The following APC variants were observed in gnomAD, a reference collection of about 807,000 sequenced individuals.
The protein encoded by APC is APC regulator of Wnt signaling pathway.
A neutral mutation model predicts 247.0 loss-of-function variants in APC; 72 were observed. The ratio of observed to expected loss-of-function variants is 0.29; its 90% CI spans 0.24 to 0.35. The LOEUF (loss-of-function observed/expected upper bound fraction) is 0.35. Among genes scored for constraint, APC ranks in the 10% least tolerant of loss-of-function variants. The pLI is 1.00. For synonymous variants in APC, 1,254 were observed against 1,162.5 expected (o/e 1.08, Z -1.60); for missense variants, 3,400 against 3,360.7 (o/e 1.01, Z -0.29).
At chr5:112,834,238 C>CTT (rs963878310) in intron 14 of APC, among the ~76,000 whole-genome samples, 6 of 126,568 alleles carry the variant, frequency 4.7e-5, no homozygotes, top group African/African-American at 1.5e-4. Context: ...CACGTTGCGC[C>CTT]TTTTTTTTTT....
intron 1 of APC, among the ~76,000 whole-genome samples, chr5:112,729,775 C>T (rs899147700): frequency 8.5e-5 from 13 of 152,184 alleles, no homozygotes; most frequent in African/African-American, 3.1e-4. Flanking sequence ...AGTATATTCA[C>T]TAGAGTAACA....
At chr5:112,826,597 AAAAAC>A (rs1763684623) in intron 11 of APC, among the ~76,000 whole-genome samples, 2 of 125,754 alleles carry the variant, frequency 1.6e-5, no homozygotes, top group Admixed American at 9.1e-5. Flanking sequence ...AAAAAAAAAA[AAAAAC>A]AAAACTTTTT....
chr5:112,831,947 C>T (rs530612191), intron 14 of APC, among the ~76,000 whole-genome samples: 4 of 152,294 alleles, frequency 2.6e-5, no homozygotes, highest in African/African-American at 7.2e-5. Flanking sequence ...TGACTTGCTT[C>T]ATTTCTAAAC....
intron 8 of APC, among the ~76,000 whole-genome samples, chr5:112,806,416 A>G (rs1333784608): frequency 2.0e-5 from 3 of 152,164 alleles, no homozygotes; most frequent in Non-Finnish European, 2.9e-5. Context: ...TGCTAAAGAA[A>G]GGGTTTCTTG....
intron 6 of APC, among the ~76,000 whole-genome samples, chr5:112,789,402 GCTT>G (rs1759326735): frequency 6.6e-6 from 1 of 152,060 alleles, no homozygotes; most frequent in Admixed American, 6.6e-5. Flanking sequence ...AGGTGTAGTG[GCTT>G]CTTCTATTTT....
At chr5:112,811,476 A>G (rs1423800362) in intron 8 of APC, among the ~76,000 whole-genome samples, 1 of 152,218 alleles carries the variant, frequency 6.6e-6, no homozygotes, top group Admixed American at 6.5e-5. Flanking sequence ...AAAGACTCTC[A>G]TGGACCAAGT....
chr5:112,799,884 A>G (rs1313017862), intron 7 of APC, among the ~76,000 whole-genome samples: 1 of 150,458 alleles, frequency 6.6e-6, no homozygotes, highest in Non-Finnish European at 1.5e-5. Flanking sequence ...CTCATCCTCT[A>G]CTCCTCCCCT....
Position 112,837,962 on chromosome 5 carries a change from A to T in APC, c.2368A>T (p.Arg790Ter), listed in dbSNP as rs2149867484. Residue 790 changes from arginine (R) to a stop codon, truncating the protein, a stop_gained, in exon 16 of 16, where the codon AGA becomes TGA. Transcript: ENST00000257430. LOFTEE classifies it high-confidence loss of function. ...CAAGGCATCTCATCGTAGTAAGCAG[A>T]GACACAAGCAAAGTCTCTATGGTGA... is the stretch of plus-strand genomic sequence containing the variant. The part of the protein sequence containing the change: ...SPKASHRSKQ[R>*]HKQSLYGDYV... 6.2e-7 allele frequency: 1 copy of T among 1,614,190 alleles called. No individual in the cohort carries two copies. The highest frequency in any genetic ancestry group is 1.1e-5 in the South Asian group (1 of 91,088).
intron 1 of APC, among the ~76,000 whole-genome samples, chr5:112,740,953 A>G (rs1356280289): frequency 6.6e-6 from 1 of 152,208 alleles, no homozygotes; most frequent in Non-Finnish European, 1.5e-5. Context: ...ATACTTGTAT[A>G]TGTTTAAATG....
At chr5:112,749,967 T>G (rs1448972023) in intron 1 of APC, among the ~76,000 whole-genome samples, 4 of 146,492 alleles carry the variant, frequency 2.7e-5, no homozygotes, top group South Asian at 2.1e-4. Flanking sequence ...TTTTTTTTTT[T>G]GTTTTTTTTT....
chr5:112,722,878 C>G (rs1751561429), intron 1 of APC, among the ~76,000 whole-genome samples: 1 of 152,018 alleles, frequency 6.6e-6, no homozygotes, highest in Non-Finnish European at 1.5e-5. Context: ...ATGGAGGCCT[C>G]ATTGCATAGG....
intron 4 of APC, among the ~76,000 whole-genome samples, chr5:112,774,186 T>C (rs1757348645): frequency 6.6e-6 from 1 of 152,138 alleles, no homozygotes; most frequent in Non-Finnish European, 1.5e-5. Context: ...TACATAGATT[T>C]ATGAATACTA....
intron 8 of APC, among the ~76,000 whole-genome samples, chr5:112,801,719 G>T (rs1234547725): frequency 6.6e-6 from 1 of 151,628 alleles, no homozygotes. Flanking sequence ...GAATAGGTTT[G>T]CTCTTTCACT....
chr5:112,791,012 G>A (rs1243804679), intron 6 of APC, among the ~76,000 whole-genome samples: 2 of 152,068 alleles, frequency 1.3e-5, no homozygotes, highest in Non-Finnish European at 2.9e-5. Flanking sequence ...GTACAACATT[G>A]TCAGTACTTG....
At chr5:112,726,434 C>T (rs1325261799) in intron 1 of APC, among the ~76,000 whole-genome samples, 3 of 152,166 alleles carry the variant, frequency 2.0e-5, no homozygotes, top group Non-Finnish European at 4.4e-5. Context: ...CAGCCAAACT[C>T]CTCTCGGCGT....
At chr5:112,829,324 G>C (rs1290097566) in intron 14 of APC, 2 of 254,766 alleles carry the variant, frequency 7.9e-6, no homozygotes, top group Non-Finnish European at 1.5e-5. Flanking sequence ...TAGTAGAGAT[G>C]GGGTTTCACC....
chr5:112,769,336 C>T (rs1756763455), intron 4 of APC, among the ~76,000 whole-genome samples: 1 of 152,078 alleles, frequency 6.6e-6, no homozygotes. Flanking sequence ...CAGGCATGAG[C>T]CACTGCGCCT....
intron 4 of APC, among the ~76,000 whole-genome samples, chr5:112,770,551 A>G (rs192341954): frequency 1.1e-4 from 17 of 152,200 alleles, no homozygotes; most frequent in African/African-American, 3.9e-4. Flanking sequence ...TTATCTGGAG[A>G]GAAAGAGGTA....
At position 112,841,754 on chromosome 5, in the gene APC, T is replaced by G. The variant is rs2149958510; in HGVS notation, c.6160T>G (p.Ser2054Ala). 6.2e-7 allele frequency: 1 copy of G among 1,614,002 alleles called. No homozygotes were observed. The highest frequency in any genetic ancestry group is 8.5e-7 in the Non-Finnish European group (1 of 1,179,904). ...SSAMPKKKKP[S>A]RLKGDNEKHS... ...CGCAATGCCAAAAAAGAAAAAGCCT[T>G]CAAGACTCAAGGGTGATAATGAAAA... The change falls in exon 16 of 16, where the codon TCA becomes GCA. Residue 2054 changes from serine to alanine, a missense_variant. Physicochemically the swap from Ser to Ala is moderately conservative, Grantham distance 99. Coordinates refer to ENST00000257430, the MANE Select transcript of APC (RefSeq NM_000038.6). The surrounding 1 kb of genome is among the most constrained non-coding windows in gnomAD (Gnocchi z 4.6).
Sources: allele counts gnomAD v4.1 joint callset (sites outside exome capture counted in the v4.1 genomes callset), GRCh38; gene constraint gnomAD v4.1.1; non-coding constraint Gnocchi (gnomAD v3.1); transcripts MANE v1.5; gene names NCBI Gene and HGNC (gene_info 2026-07-23, HGNC 2026-07-21).